EIF5A: variants seen among roughly 807,000 people sequenced by gnomAD.
EIF5A encodes eukaryotic translation initiation factor 5A, also known as eukaryotic translation initiation factor 5A-1.
In EIF5A, 1 loss-of-function variant was observed where a neutral mutation model predicts 16.6. The observed-to-expected ratio is 0.06, with a 90% CI of 0.02 to 0.28. The LOEUF is 0.28. Among genes scored for constraint, EIF5A ranks in the 10% least tolerant of loss-of-function variants. The pLI is 1.00. For missense variants in EIF5A, 29 were observed against 196.1 expected (o/e 0.15, Z 5.09); for synonymous variants, 80 against 73.6 (o/e 1.09, Z -0.44).
At chr17:7,307,257 G>T, upstream of EIF5A, 1 of 1,210,708 alleles carries the variant, frequency 8.3e-7, no homozygotes, top group Non-Finnish European at 1.1e-6. Context: ...GGTTGTTTAG[G>T]ATTCCGAACA....
At chr17:7,311,228 A>G in intron 3 of EIF5A, 106 bp downstream of exon 3, 1 of 1,577,232 alleles carries the variant, frequency 6.3e-7, no homozygotes. Context: ...GAGGAGGGAA[A>G]TGGCAGGAGA....
chr17:7,310,968 C>T lies in EIF5A; in HGVS notation c.166-50C>T, dbSNP rs558975625. 733 of 1,566,958 alleles carry T rather than the reference C, an allele frequency of 4.7e-4. 9 individuals are homozygous for T. In the South Asian group the frequency reaches 8.0e-3, roughly 17 times the overall value. ...GCAAGGTCAATTTGAGCCTTTATTT[C>T]CTCCGTTTTAGAGTTTGGTTGGGTT... On this transcript the variant is annotated intron_variant, in intron 2 of 5. Coordinates refer to ENST00000336458, the MANE Select transcript of EIF5A (RefSeq NM_001970.5).
chr17:7,309,350 C>T (rs77355262), intron 1 of EIF5A, among the ~76,000 whole-genome samples: 4 of 152,298 alleles, frequency 2.6e-5, no homozygotes, highest in African/African-American at 7.2e-5. Flanking sequence ...ATTTGACATT[C>T]CAGCTCCCTA....
upstream of EIF5A, chr17:7,307,146 G>T (rs1481102624): frequency 6.4e-7 from 1 of 1,565,310 alleles, no homozygotes; most frequent in African/African-American, 1.4e-5. Context: ...TAAAGCCGAG[G>T]TGGGGCGTAT....
intron 2 of EIF5A, chr17:7,310,530 T>C: frequency 8.8e-7 from 1 of 1,131,002 alleles, no homozygotes. Context: ...TCTGGATCCC[T>C]CTCTGTGCTC....
chr17:7,310,566 C>G, intron 2 of EIF5A: 1 of 1,083,348 alleles, frequency 9.2e-7, no homozygotes, highest in East Asian at 8.6e-5. Flanking sequence ...TTTCTAGCTA[C>G]ATAGTTATTT....
In EIF5A at chr17:7,312,215, C is replaced by T; in HGVS notation, c.*405C>T. The stretch of plus-strand genomic sequence containing the variant: ...TCATCCCTGGTCTGGTCCCCTGTTG[C>T]CTATAGCCCTTTACCCTGAGCACCA... On this transcript the variant is annotated 3_prime_UTR_variant, in exon 6 of 6. Transcript: ENST00000336458. 1 of 174,548 alleles carries T rather than the reference C, an allele frequency of 5.7e-6. No individual in the cohort carries two copies. The allele number at this position is 174,548 out of a possible 1,614,324, so 10.8% of individuals were successfully genotyped here.
At chr17:7,309,831 C>T (rs1283214439) in intron 2 of EIF5A, 31 bp downstream of exon 2, 3 of 1,614,100 alleles carry the variant, frequency 1.9e-6, no homozygotes, top group South Asian at 2.2e-5. Context: ...TCTTGCCTTC[C>T]CCATGCCTCC....
At position 7,310,247 on chromosome 17, in the gene EIF5A, T is replaced by A. The variant is rs759898870; in HGVS notation, c.165+447T>A. ...ATTCTGAGCTTTCAGGTCACCTTGC[T>A]GCTTCGTTCCCCAGTTCTAGCTTTC... On this transcript the variant is annotated intron_variant, in intron 2 of 5. Transcript: ENST00000336458. 2.3e-6 allele frequency: 3 copies of A among 1,289,844 alleles called. No individual in the cohort carries two copies. In the South Asian group the frequency reaches 3.7e-5, roughly 16 times the overall value. The allele number at this position is 1,289,844 out of a possible 1,614,324, so 79.9% of individuals were successfully genotyped here.
rs564979092 is a variant in EIF5A at position 7,312,405 on chromosome 17, C to T, written c.*595C>T. On this transcript the variant is annotated 3_prime_UTR_variant, in exon 6 of 6. Transcript: ENST00000336458. ...TACCCTTCCCTGCGGGCTCTCTCCC[C>T]GACACATTTGTTAAAATCAAACCTG... 1.8e-4 allele frequency: 45 copies of T among 254,998 alleles called. No individual in the cohort carries two copies. Among genetic ancestry groups the T allele is most frequent in the Middle Eastern group, 1.6e-3 (1 of 640 alleles). 15.8% of individuals were successfully genotyped at this position (254,998 alleles called of 1,614,324 possible).
At chr17:7,311,521 T>C (rs770708499) in intron 4 of EIF5A, 40 bp downstream of exon 4, 1 of 1,614,096 alleles carries the variant, frequency 6.2e-7, no homozygotes, top group Non-Finnish European at 8.5e-7. Flanking sequence ...TCAGCTTTGT[T>C]CTGTACGTTT....
chr17:7,310,909 G>A, intron 2 of EIF5A, 109 bp from the exon 3 acceptor site: 1 of 1,461,058 alleles, frequency 6.8e-7, no homozygotes, highest in African/African-American at 1.4e-5. Flanking sequence ...TCCAGTCTTT[G>A]CCCCAACAAT....
Position 7,311,912 on chromosome 17 carries a change from C to T in EIF5A, c.*102C>T, listed in dbSNP as rs192719874. On this transcript the variant is annotated 3_prime_UTR_variant, in exon 6 of 6. Coordinates refer to ENST00000336458, the MANE Select transcript of EIF5A (RefSeq NM_001970.5). ...CTCTGGCCCGGTCCTAAGCTGGACT[C>T]CTCCTACACAATTTATTTGACGTTT... The T allele has an allele frequency of 8.9e-6, 5 of 564,126 alleles. No individual in the cohort carries two copies. Among genetic ancestry groups the T allele is most frequent in the Non-Finnish European group, 1.6e-5 (5 of 309,820 alleles). The allele number at this position is 564,126 out of a possible 1,614,324, so 34.9% of individuals were successfully genotyped here.
intron 1 of EIF5A, 40 bp downstream of exon 1, chr17:7,307,792 T>A (rs1168680558): frequency 1.0e-6 from 1 of 961,856 alleles, no homozygotes; most frequent in Non-Finnish European, 1.2e-6. Context: ...TACCTTGGCT[T>A]GGGCCCGGGA....
At chr17:7,308,329 C>T (rs2072696125) in intron 1 of EIF5A, 1 of 1,172,254 alleles carries the variant, frequency 8.5e-7, no homozygotes, top group African/African-American at 1.6e-5. Context: ...ACCCCTCCCC[C>T]CAGGTCCCGG....
intron 1 of EIF5A, chr17:7,308,290 G>C (rs1213670389): frequency 1.8e-6 from 2 of 1,127,460 alleles, no homozygotes; most frequent in Non-Finnish European, 2.2e-6. Flanking sequence ...ATGGCCAAGC[G>C]TGGACCGGGG....
intron 1 of EIF5A, chr17:7,308,016 C>T (rs1027939932): frequency 1.3e-5 from 13 of 984,944 alleles, no homozygotes; most frequent in African/African-American, 1.8e-5. Flanking sequence ...GAGAGGCCGC[C>T]AGGCGGCCAC....
At chr17:7,309,907 C>T (rs780793183) in intron 2 of EIF5A, 107 bp downstream of exon 2, 1 of 1,608,824 alleles carries the variant, frequency 6.2e-7, no homozygotes. Context: ...TCTGCTTTTA[C>T]TGTCTGATTG....
At position 7,309,631 on chromosome 17, in the gene EIF5A, T is replaced by C; in HGVS notation, c.-5T>C. ...TGGCTCTAGTTGGAATCGAAGCCTC[T>C]TAAAATGGCAGATGACTTGGACTTC... On this transcript the variant is annotated 5_prime_UTR_variant, in exon 2 of 6. Transcript: ENST00000336458. 6.2e-7 allele frequency: 1 copy of C among 1,614,228 alleles called. No individual in the cohort carries two copies. Among genetic ancestry groups the C allele is most frequent in the Non-Finnish European group, 8.5e-7 (1 of 1,180,046 alleles).
Sources: allele counts gnomAD v4.1 joint callset (sites outside exome capture counted in the v4.1 genomes callset), GRCh38; gene constraint gnomAD v4.1.1; transcripts MANE v1.5; gene names NCBI Gene and HGNC (gene_info 2026-07-23, HGNC 2026-07-21).